ETS2: variants seen among roughly 807,000 people sequenced by gnomAD.
ETS2 encodes protein C-ets-2.
ETS2 carries 19 observed loss-of-function variants against 54.9 expected under a neutral mutation model. The ratio of observed to expected loss-of-function variants is 0.35; its 90% CI spans 0.24 to 0.51. The LOEUF (loss-of-function observed/expected upper bound fraction) is 0.51. ETS2 is among the 20% of genes least tolerant of loss of function. The pLI, the probability that ETS2 is intolerant of heterozygous loss-of-function variation, is 0.97. For synonymous variants in ETS2, 219 were observed against 229.3 expected, an observed-to-expected ratio of 0.95 and a Z score of 0.41; for missense variants, 417 against 593.0, an observed-to-expected ratio of 0.70 and a Z score of 3.08.
In ETS2 at chr21:38,823,825, G is replaced by A. The variant is rs1569028061; in HGVS notation, c.*936G>A. ...AATGGCATATGTTTTCCACTTCTTT[G>A]CATGCGTTTAAGTCAGTTTATACAC... On this transcript the variant is annotated 3_prime_UTR_variant, in exon 10 of 10. Coordinates refer to ENST00000360938, the MANE Select transcript of ETS2 (RefSeq NM_005239.6). 1 of 152,464 alleles carries A rather than the reference G, an allele frequency of 6.6e-6. No homozygotes were observed. Among genetic ancestry groups the A allele is most frequent in the Non-Finnish European group, 1.5e-5 (1 of 68,010 alleles). The allele number at this position is 152,464 out of a possible 1,614,324, so 9.4% of individuals were successfully genotyped here. A position where few individuals can be genotyped will look rare whatever the true frequency, so the allele number is the denominator to read the frequency against.
chr21:38,814,870 T>A lies in ETS2; in HGVS notation c.394T>A (p.Phe132Ile), dbSNP rs761816863. ...FSLVNVNLQR[F>I]GMNGQMLCNL... The stretch of plus-strand genomic sequence containing the variant: ...TCTGGTGAACGTGAATCTGCAGAGG[T>A]TCGGCATGAATGGCCAGATGCTGTG... The change falls in exon 5 of 10, where the codon TTC becomes ATC. Residue 132 changes from phenylalanine to isoleucine, a missense_variant. Transcript: ENST00000360938. This position sits in a 1 kb window ranked among gnomAD's most constrained non-coding sequence, Gnocchi z 4.2. The A allele has an allele frequency of 6.2e-7, 1 of 1,614,224 alleles. No individual in the cohort carries two copies. Among genetic ancestry groups the A allele is most frequent in the East Asian group, 2.2e-5 (1 of 44,880 alleles).
At chr21:38,822,514 T>C (rs1357747795) in intron 9 of ETS2, among the ~76,000 whole-genome samples, 160 bp from the exon 10 acceptor site, 4 of 152,130 alleles carry the variant, frequency 2.6e-5, no homozygotes, top group African/African-American at 9.7e-5. Flanking sequence ...TACTCAAAGG[T>C]ACTCAGAGGT....
Position 38,806,068 on chromosome 21 carries a change from G to A in ETS2, c.-53G>A, listed in dbSNP as rs2060891335. The A allele has an allele frequency of 3.4e-6, 4 of 1,162,676 alleles. No homozygotes were observed. Among genetic ancestry groups the A allele is most frequent in the Non-Finnish European group, 4.3e-6 (4 of 933,278 alleles). 72.0% of individuals were successfully genotyped at this position (1,162,676 alleles called of 1,614,324 possible). On this transcript the variant is annotated 5_prime_UTR_variant, in exon 1 of 10. Coordinates refer to ENST00000360938, the MANE Select transcript of ETS2 (RefSeq NM_005239.6). This position sits in a 1 kb window ranked among gnomAD's most constrained non-coding sequence, Gnocchi z 4.3. ...CCCGGCGCGCACCGAGCAGCCGCGG[G>A]CGCCGAGCAGCCACCGTCCCGACCA...
Position 38,806,311 on chromosome 21 carries a change from T to A in ETS2, c.-1+191T>A. ...GTCTGAGTTCCGCGCCGGCTCGTTT[T>A]CCGGTTATGGAGTGGCCTCCGGGGC... On this transcript the variant is annotated intron_variant, in intron 1 of 9. Coordinates refer to ENST00000360938, the MANE Select transcript of ETS2 (RefSeq NM_005239.6). The surrounding 1 kb of genome is among the most constrained non-coding windows in gnomAD (Gnocchi z 4.3). 2.1e-6 allele frequency: 2 copies of A among 956,998 alleles called. No individual in the cohort carries two copies. Among genetic ancestry groups the A allele is most frequent in the Non-Finnish European group, 2.5e-6 (2 of 804,166 alleles). The allele number at this position is 956,998 out of a possible 1,614,324, so 59.3% of individuals were successfully genotyped here.
At chr21:38,805,578 G>C, upstream of ETS2, 4 of 1,277,988 alleles carry the variant, frequency 3.1e-6, no homozygotes, top group Non-Finnish European at 4.1e-6. The surrounding 1 kb of genome is among the most constrained non-coding windows in gnomAD (Gnocchi z 5.2). Context: ...GCCAGCCGGC[G>C]AGGGACCCAG....
intron 1 of ETS2, among the ~76,000 whole-genome samples, chr21:38,808,717 G>A (rs369420539): frequency 6.6e-6 from 1 of 151,870 alleles, no homozygotes; most frequent in East Asian, 1.9e-4. Context: ...TAAATAGTTC[G>A]GTGAGCCTTT....
intron 2 of ETS2, 51 bp downstream of exon 2, chr21:38,810,157 A>G (rs184983267): frequency 2.0e-5 from 23 of 1,150,894 alleles, no homozygotes; most frequent in Non-Finnish European, 2.7e-5. Flanking sequence ...CTCGATCTCT[A>G]GGAGGAAAGA....
At position 38,810,047 on chromosome 21, in the gene ETS2, G is replaced by A. The variant is rs915550106; in HGVS notation, c.13G>A (p.Gly5Arg). MNDF[G>R]IKNMDQVAPV... ...TTTCTTTTTTAAGATGAATGATTTC[G>A]GAATCAAGAATATGGACCAGGTAGC... Residue 5 changes from glycine to arginine, a missense_variant, in exon 2 of 10, where the codon GGA (glycine) becomes AGA (arginine). Coordinates refer to ENST00000360938, the MANE Select transcript of ETS2 (RefSeq NM_005239.6). The A allele has an allele frequency of 3.8e-6, 6 of 1,566,766 alleles. No individual in the cohort carries two copies. Among genetic ancestry groups the A allele is most frequent in the African/African-American group, 1.4e-5 (1 of 70,870 alleles).
chr21:38,814,454 G>T lies in ETS2; in HGVS notation c.304+62G>T. ...AGAACCAACTTCAGTGCAGTTGTTT[G>T]ATCTTGACTTGTTTATTAAGCTTTT... On this transcript the variant is annotated intron_variant, in intron 4 of 9. Transcript: ENST00000360938. The surrounding 1 kb of genome is among the most constrained non-coding windows in gnomAD (Gnocchi z 4.2). 1 of 1,590,302 alleles carries T rather than the reference G, an allele frequency of 6.3e-7. No individual in the cohort carries two copies. Among genetic ancestry groups the T allele is most frequent in the South Asian group, 1.1e-5 (1 of 89,276 alleles).
chr21:38,813,131 A>C lies in ETS2; in HGVS notation c.184+17A>C, dbSNP rs1228254956. The C allele has an allele frequency of 6.7e-7, 1 of 1,496,424 alleles. No individual in the cohort carries two copies. 92.7% of individuals were successfully genotyped at this position (1,496,424 alleles called of 1,614,324 possible). ...TTTCTCATGGTAATTGGTTCCTCAG[A>C]CTTGACAAATTGTGCATGATTTTCC... On this transcript the variant is annotated intron_variant, in intron 3 of 9. Coordinates refer to ENST00000360938, the MANE Select transcript of ETS2 (RefSeq NM_005239.6).
chr21:38,814,397 G>C lies in ETS2; in HGVS notation c.304+5G>C, dbSNP rs1228906740. On this transcript the variant is annotated splice_donor_5th_base_variant and intron_variant, in intron 4 of 9. Coordinates refer to ENST00000360938, the MANE Select transcript of ETS2 (RefSeq NM_005239.6). The surrounding 1 kb of genome is among the most constrained non-coding windows in gnomAD (Gnocchi z 4.2). Reference sequence around the variant, plus strand: ...GGCGCCTGGGCATTCCAAAGAGTAAGTACTGCTTTCCTGAGCCTGCACTGG... The same window carrying C: ...GGCGCCTGGGCATTCCAAAGAGTAACTACTGCTTTCCTGAGCCTGCACTGG... The C allele has an allele frequency of 6.2e-7, 1 of 1,614,046 alleles. No homozygotes were observed. Among genetic ancestry groups the C allele is most frequent in the Non-Finnish European group, 8.5e-7 (1 of 1,179,998 alleles).
chr21:38,819,440 G>A (rs1028766421), intron 7 of ETS2, 63 bp from the exon 8 acceptor site: 49 of 1,524,282 alleles, frequency 3.2e-5, no homozygotes, highest in Non-Finnish European at 4.2e-5. Flanking sequence ...TGATGCTATG[G>A]TCGTGCCCAA....
At chr21:38,809,739 G>T (rs2123407671) in intron 1 of ETS2, 1 of 289,552 alleles carries the variant, frequency 3.5e-6, no homozygotes, top group East Asian at 1.2e-4. Context: ...ACCCAGCAAG[G>T]AGGCTCTGAC....
At chr21:38,816,081 AG>A (rs1353593037) in intron 5 of ETS2, among the ~76,000 whole-genome samples, 4 of 732 alleles carry the variant, frequency 5.5e-3, no homozygotes, top group Non-Finnish European at 7.5e-3. Flanking sequence ...GGAGGGAGGG[AG>A]GGGAGGGAGG....
chr21:38,805,325 A>G, upstream of ETS2: 1 of 1,287,024 alleles, frequency 7.8e-7, no homozygotes, highest in Non-Finnish European at 1.0e-6. The surrounding 1 kb of genome is among the most constrained non-coding windows in gnomAD (Gnocchi z 5.2). Flanking sequence ...CATTAGTCCT[A>G]AGCCCATTCA....
In ETS2 at chr21:38,814,509, G is replaced by A; in HGVS notation, c.304+117G>A. 1 of 1,308,028 alleles carries A rather than the reference G, an allele frequency of 7.6e-7. No homozygotes were observed. Among genetic ancestry groups the A allele is most frequent in the East Asian group, 2.4e-5 (1 of 42,490 alleles). The allele number at this position is 1,308,028 out of a possible 1,614,324, so 81.0% of individuals were successfully genotyped here. ...GGGGTATTCTGCAAAGAGTAGCATG[G>A]ATGTCGTTAACCTGAGCCAGTTTCT... On this transcript the variant is annotated intron_variant, in intron 4 of 9. Transcript: ENST00000360938. The surrounding 1 kb of genome is among the most constrained non-coding windows in gnomAD (Gnocchi z 4.2).
chr21:38,818,739 C>T, intron 7 of ETS2, 93 bp downstream of exon 7: 93 of 1,431,854 alleles, frequency 6.5e-5, no homozygotes, highest in Non-Finnish European at 8.7e-5. Context: ...TTCCTGGATT[C>T]AGCCATTAGA....
At chr21:38,818,837 T>C (rs921310371) in intron 7 of ETS2, among the ~76,000 whole-genome samples, 191 bp downstream of exon 7, 2 of 152,216 alleles carry the variant, frequency 1.3e-5, no homozygotes, top group Admixed American at 1.3e-4. Flanking sequence ...ACTGCAGGCA[T>C]TGAGTAAACA....
intron 7 of ETS2, among the ~76,000 whole-genome samples, chr21:38,819,049 C>T (rs146998961): frequency 6.6e-6 from 1 of 152,170 alleles, no homozygotes; most frequent in South Asian, 2.1e-4. Flanking sequence ...TTTCCAGTAG[C>T]CTGGAAGATT....
Sources: gnomAD v4.1 joint callset for allele counts (sites outside exome capture counted in the v4.1 genomes callset) on GRCh38, gnomAD v4.1.1 for gene constraint, Gnocchi (gnomAD v3.1) non-coding constraint, MANE v1.5 for transcripts, NCBI Gene and HGNC (gene_info 2026-07-23, HGNC 2026-07-21) for gene names.